AMPD3: variants seen among roughly 807,000 people sequenced by gnomAD.
AMPD3 encodes AMP deaminase 3.
In AMPD3, 57 loss-of-function variants were observed where a neutral mutation model predicts 82.3. The ratio of observed to expected loss-of-function variants is 0.69; its 90% CI spans 0.56 to 0.86. The LOEUF is 0.86. Among genes scored for constraint, AMPD3 ranks in the 40% least tolerant of loss-of-function variants. The pLI is 0.00. For synonymous variants in AMPD3, 381 were observed against 394.7 expected (o/e 0.97, Z 0.41); for missense variants, 870 against 1,003.8 (o/e 0.87, Z 1.80).
chr11:10,450,391 AG>A (rs1847931383), upstream of AMPD3: 6 of 978,446 alleles, frequency 6.1e-6, no homozygotes, highest in Non-Finnish European at 7.2e-6. Flanking sequence ...AGTGACCAGA[AG>A]GACGCCTGGA....
At chr11:10,461,491 T>G in intron 1 of AMPD3, 24 bp from the exon 2 acceptor site, 1 of 1,614,098 alleles carries the variant, frequency 6.2e-7, no homozygotes, top group South Asian at 1.1e-5. Context: ...ATCCTGCAAT[T>G]CATGCTTGTT....
intron 1 of AMPD3, among the ~76,000 whole-genome samples, chr11:10,457,201 C>T (rs1484438855): frequency 1.3e-5 from 2 of 151,610 alleles, no homozygotes; most frequent in Admixed American, 6.6e-5. Context: ...AGGCTGATCT[C>T]GAACTCCTGG....
At chr11:10,484,408 T>C (rs1849002625) in intron 4 of AMPD3, 1 of 985,246 alleles carries the variant, frequency 1.0e-6, no homozygotes, top group Non-Finnish European at 1.2e-6. Flanking sequence ...GCAATCTGTT[T>C]TTTTCCTGGG....
intron 14 of AMPD3, 128 bp from the exon 15 acceptor site, chr11:10,505,580 G>C (rs1849696699): frequency 2.6e-6 from 4 of 1,512,556 alleles, no homozygotes; most frequent in Non-Finnish European, 3.5e-6. Flanking sequence ...GGGATAAGAT[G>C]TCCTGACCAA....
intron 2 of AMPD3, among the ~76,000 whole-genome samples, chr11:10,474,378 C>A (rs1288474439): frequency 6.6e-6 from 1 of 152,188 alleles, no homozygotes; most frequent in African/African-American, 2.4e-5. Context: ...TTCAGATGGC[C>A]CCTGGTAAGA....
chr11:10,457,241 T>C (rs922359), intron 1 of AMPD3, among the ~76,000 whole-genome samples: 20,720 of 151,500 alleles, frequency 0.14, 1,570 homozygotes, highest in African/African-American at 0.19. Context: ...GCCTCCCAAA[T>C]TGCTTGGATT....
intron 1 of AMPD3, chr11:10,461,312 C>A: frequency 6.4e-7 from 1 of 1,564,198 alleles, no homozygotes; most frequent in Non-Finnish European, 8.6e-7. Context: ...TCTCCTGACA[C>A]CTAAGTGGCC....
chr11:10,500,626 T>G (rs961958504), intron 11 of AMPD3: 6 of 985,374 alleles, frequency 6.1e-6, no homozygotes, highest in African/African-American at 1.7e-5. Context: ...CTATCACACA[T>G]GCACGGTCAC....
intron 1 of AMPD3, chr11:10,460,728 C>A: frequency 4.4e-6 from 1 of 225,248 alleles, no homozygotes; most frequent in Non-Finnish European, 7.4e-6. Flanking sequence ...ATATTAAGTG[C>A]TATACAAGTA....
At chr11:10,505,133 G>A in intron 14 of AMPD3, 4 of 985,282 alleles carry the variant, frequency 4.1e-6, no homozygotes, top group Non-Finnish European at 4.8e-6. Flanking sequence ...CTAGACTATG[G>A]GACTCAGACA....
At chr11:10,487,422 G>A (rs1849107256) in intron 6 of AMPD3, 58 bp downstream of exon 6, 1 of 1,609,774 alleles carries the variant, frequency 6.2e-7, no homozygotes, top group African/African-American at 1.3e-5. Context: ...CAGCCCATGG[G>A]ATGCCCTGAG....
chr11:10,496,200 C>T, intron 9 of AMPD3: 1 of 984,628 alleles, frequency 1.0e-6, no homozygotes. Context: ...CAGGTGTGAG[C>T]CACTGCATCC....
chr11:10,503,425 T>A (rs1039137995), intron 13 of AMPD3, among the ~76,000 whole-genome samples: 1 of 152,200 alleles, frequency 6.6e-6, no homozygotes, highest in African/African-American at 2.4e-5. Context: ...CCAGCATGTT[T>A]TGATGGTGTC....
chr11:10,500,462 C>A, intron 11 of AMPD3: 1 of 568,464 alleles, frequency 1.8e-6, no homozygotes, highest in Non-Finnish European at 2.2e-6. Flanking sequence ...TGCAAACATG[C>A]CCACCATAAC....
At chr11:10,468,652 T>C (rs1269102604) in intron 2 of AMPD3, among the ~76,000 whole-genome samples, 1 of 152,172 alleles carries the variant, frequency 6.6e-6, no homozygotes, top group Non-Finnish European at 1.5e-5. Context: ...TGAACTCAGC[T>C]CTGGAACAAG....
At chr11:10,460,674 G>A (rs536083712) in intron 1 of AMPD3, among the ~76,000 whole-genome samples, 14 of 152,300 alleles carry the variant, frequency 9.2e-5, no homozygotes, top group Admixed American at 2.6e-4. Context: ...CTCCCAAAAT[G>A]CTAGGATTAC....
Position 10,499,825 on chromosome 11 carries a change from C to T in AMPD3, c.1558-261C>T. The T allele has an allele frequency of 3.0e-6, 3 of 985,468 alleles. No homozygotes were observed. In the African/African-American group the frequency reaches 5.2e-5, roughly 17 times the overall value. 61.0% of individuals were successfully genotyped at this position (985,468 alleles called of 1,614,324 possible). ...TTGGCAGTTTCCTCCACTGTCACCA[C>T]CACCACACAGGGGCTTGGCACTCTC... On this transcript the variant is annotated intron_variant, in intron 10 of 14. Transcript: ENST00000396553.
Position 10,494,888 on chromosome 11 carries a change from TC to T in AMPD3, c.1135-5del, listed in dbSNP as rs769645824. 19 of 1,612,586 alleles carry T rather than the reference TC, an allele frequency of 1.2e-5. No individual in the cohort carries two copies. Among genetic ancestry groups the T allele is most frequent in the African/African-American group, 1.1e-4 (8 of 74,964 alleles). ...GAACGATGCGTTGATTGGTGTGGTC[TC>T]CCCCCTCAGGGCCGGCAGACATTCC... is the stretch of plus-strand genomic sequence containing the variant. On this transcript the variant is annotated splice_polypyrimidine_tract_variant and intron_variant, in intron 7 of 14. Coordinates refer to ENST00000396553, the MANE Select transcript of AMPD3 (RefSeq NM_001025389.2).
At chr11:10,450,737 G>GGCTCTCTCT, upstream of AMPD3, 3 of 1,124,616 alleles carry the variant, frequency 2.7e-6, no homozygotes, top group Non-Finnish European at 3.3e-6. Flanking sequence ...GTAGCCTCTC[G>GGCTCTCTCT]GCTCTCTCTG....
Sources: gnomAD v4.1 joint callset for allele counts (sites outside exome capture counted in the v4.1 genomes callset) on GRCh38, gnomAD v4.1.1 for gene constraint, MANE v1.5 for transcripts, NCBI Gene and HGNC (gene_info 2026-07-23, HGNC 2026-07-21) for gene names.